SLC5A11: variants seen among roughly 807,000 people sequenced by gnomAD.
SLC5A11 encodes the protein sodium/myo-inositol cotransporter 2.
In SLC5A11, 48 loss-of-function variants were observed where a neutral mutation model predicts 69.8. That is an observed-to-expected ratio of 0.69 (90% CI 0.55 to 0.87). The LOEUF is 0.87. Ranked by LOEUF, SLC5A11 falls within the 40% of genes least tolerant of loss-of-function variation. SLC5A11 has a pLI of 0.00. For synonymous variants in SLC5A11, 319 were observed against 342.4 expected (o/e 0.93, Z 0.75); for missense variants, 784 against 866.1 (o/e 0.91, Z 1.19).
intron 10 of SLC5A11, among the ~76,000 whole-genome samples, chr16:24,902,931 CAT>C (rs781276622): frequency 6.6e-6 from 1 of 152,170 alleles, no homozygotes; most frequent in Non-Finnish European, 1.5e-5. Flanking sequence ...GGAAAAATAA[CAT>C]AAACTATATA....
Position 24,890,863 on chromosome 16 carries a change from T to C in SLC5A11, c.665-6T>C, listed in dbSNP as rs761424635. On this transcript the variant is annotated splice_polypyrimidine_tract_variant and splice_region_variant and intron_variant, in intron 8 of 15. Transcript: ENST00000347898. ...TCCCGGAAAATAGGCTTCCTCTGAATTCTAGGTTTCGCCGCGGTTGGTGGG... is the reference window on the plus strand; with the variant it reads ...TCCCGGAAAATAGGCTTCCTCTGAACTCTAGGTTTCGCCGCGGTTGGTGGG... The C allele has an allele frequency of 6.2e-6, 10 of 1,613,956 alleles. No homozygotes were observed. In the South Asian group the frequency reaches 9.9e-5, roughly 16 times the overall value.
rs1567715068 is a variant in SLC5A11 at position 24,911,317 on chromosome 16, G to A, written c.1823-11G>A. 2 of 1,613,696 alleles carry A rather than the reference G, an allele frequency of 1.2e-6. No homozygotes were observed. The highest frequency in any genetic ancestry group is 4.5e-5 in the East Asian group (2 of 44,880). On this transcript the variant is annotated splice_polypyrimidine_tract_variant and intron_variant, in intron 15 of 15. Transcript: ENST00000347898. ...CACCTCTACGGTCTTCCTTTGCTGG[G>A]TTCTTTCTAGGTGACATGACCCCAA...
chr16:24,863,441 C>T (rs76710430), intron 3 of SLC5A11, among the ~76,000 whole-genome samples: 4,553 of 152,038 alleles, frequency 0.03, 222 homozygotes, highest in African/African-American at 0.1. Context: ...GTAGCTGAAT[C>T]CCAAGAGGGC....
In SLC5A11 at chr16:24,901,836, G is replaced by T. The variant is rs182296474; in HGVS notation, c.1006+3727G>T. On this transcript the variant is annotated intron_variant, in intron 10 of 15. Coordinates refer to ENST00000347898, the Ensembl canonical transcript of SLC5A11. ...GCAGTGGCTCACGCCTGTAATCCCA[G>T]CTCTTTGGGAGGCCAAGGCAGGAAG... 8.6e-5 allele frequency among the ~76,000 whole-genome samples: 13 copies of T among 151,682 alleles called. No homozygotes were observed. The East Asian group carries it at 2.3e-3, about 27-fold the overall frequency.
In SLC5A11 at chr16:24,859,454, C is replaced by T. The variant is rs866547117; in HGVS notation, c.135+676C>T. ...GTGTTTTTTTTTACTTTAAAGAAAA[C>T]TTTAAAGGCAATACAGTCACATGGC... On this transcript the variant is annotated intron_variant, in intron 2 of 15. Coordinates refer to ENST00000347898, the Ensembl canonical transcript of SLC5A11. 5.9e-5 allele frequency among the ~76,000 whole-genome samples: 9 copies of T among 152,050 alleles called. 1 individual carries two copies. The highest frequency in any genetic ancestry group is 1.3e-4 in the Admixed American group (2 of 15,264).
chr16:24,857,581 T>C (rs558036012), intron 1 of SLC5A11, among the ~76,000 whole-genome samples: 2 of 152,310 alleles, frequency 1.3e-5, no homozygotes, highest in Admixed American at 6.5e-5. Context: ...CCACCTGCAC[T>C]CCTTGGCTTG....
At chr16:24,906,818 C>G in intron 11 of SLC5A11, 54 bp downstream of exon 12, 12 of 1,505,724 alleles carry the variant, frequency 8.0e-6, no homozygotes, top group Non-Finnish European at 1.0e-5. Context: ...GAAAGGAGAT[C>G]ACCGGATGGG....
intron 10 of SLC5A11, among the ~76,000 whole-genome samples, chr16:24,906,396 C>A (rs1406573001): frequency 6.6e-6 from 1 of 151,824 alleles, no homozygotes; most frequent in East Asian, 1.9e-4. Context: ...GGTGTCCCAG[C>A]TTCATCTGGG....
intron 9 of SLC5A11, among the ~76,000 whole-genome samples, chr16:24,893,220 G>A (rs1419831076): frequency 6.6e-6 from 1 of 151,432 alleles, no homozygotes; most frequent in Non-Finnish European, 1.5e-5. Flanking sequence ...CCCGGGAGGT[G>A]GAGTTTGCAG....
At chr16:24,898,090 C>T (rs753106580) in exon 10 of SLC5A11, 1 of 1,614,094 alleles carries the variant, frequency 6.2e-7, no homozygotes. Flanking sequence ...CTGGGATGGT[C>T]AGCCGCATCC....
intron 9 of SLC5A11, among the ~76,000 whole-genome samples, chr16:24,896,936 TCCTTC>T (rs1160892741): frequency 1.5e-5 from 2 of 129,528 alleles, no homozygotes; most frequent in Non-Finnish European, 3.2e-5. Context: ...TTAGACAACC[TCCTTC>T]CTTTTTTTTT....
In SLC5A11 at chr16:24,906,641, T is replaced by C. The variant is rs750000348; in HGVS notation, c.1007-16T>C. ...GGGCCTGACTGCTCACCTCTGGGCC[T>C]GTGTTTCCTTCGTAGATCAAGTGGC... On this transcript the variant is annotated splice_polypyrimidine_tract_variant and intron_variant, in intron 10 of 15. Transcript: ENST00000347898. The C allele has an allele frequency of 1.1e-5, 17 of 1,586,250 alleles. No homozygotes were observed. The highest frequency in any genetic ancestry group is 1.5e-5 in the Non-Finnish European group (17 of 1,162,582).
chr16:24,865,116 T>C (rs1366222644), intron 3 of SLC5A11, among the ~76,000 whole-genome samples: 1 of 151,962 alleles, frequency 6.6e-6, no homozygotes, highest in Admixed American at 6.6e-5. Context: ...ATTGACTAAA[T>C]TTTATTAACA....
At chr16:24,849,191 T>G (rs927145969) in intron 1 of SLC5A11, among the ~76,000 whole-genome samples, 1 of 151,916 alleles carries the variant, frequency 6.6e-6, no homozygotes, top group East Asian at 1.9e-4. Flanking sequence ...TTTAGTGAGG[T>G]GGGGAAGACT....
chr16:24,864,189 A>T (rs2046774726), intron 3 of SLC5A11, among the ~76,000 whole-genome samples: 1 of 152,206 alleles, frequency 6.6e-6, no homozygotes. Context: ...ATAGGCCCAC[A>T]CACATGCTTA....
At chr16:24,895,734 C>G (rs274085) in intron 9 of SLC5A11, among the ~76,000 whole-genome samples, 30,220 of 151,960 alleles carry the variant, frequency 0.2, 3,710 homozygotes, top group South Asian at 0.42. Flanking sequence ...ACGTGTCCAC[C>G]AAGCCCGGTT....
At chr16:24,877,265 T>C in exon 7 of SLC5A11, 1 of 1,614,000 alleles carries the variant, frequency 6.2e-7, no homozygotes, top group East Asian at 2.2e-5. Context: ...CAGGTAGACA[T>C]GTATGCAGGT....
At chr16:24,898,075 G>T (rs771213871) in exon 10 of SLC5A11, 1 of 1,614,168 alleles carries the variant, frequency 6.2e-7, no homozygotes, top group South Asian at 1.1e-5. Flanking sequence ...TCATAATGGT[G>T]TTCCCTGGGA....
At chr16:24,902,045 G>A (rs937617768) in intron 10 of SLC5A11, among the ~76,000 whole-genome samples, 4 of 152,068 alleles carry the variant, frequency 2.6e-5, no homozygotes, top group East Asian at 1.9e-4. Context: ...CTGGGAGGTC[G>A]AGGCTGCAGT....
Sources: gnomAD v4.1 joint callset for allele counts (sites outside exome capture counted in the v4.1 genomes callset) on GRCh38, gnomAD v4.1.1 for gene constraint, MANE v1.5 for transcripts, NCBI Gene and HGNC (gene_info 2026-07-23, HGNC 2026-07-21) for gene names.